The following KRT80 variants were observed in gnomAD, a reference collection of about 807,000 sequenced individuals.
KRT80 encodes the protein keratin 80.
KRT80 carries 36 observed loss-of-function variants against 51.5 expected under a neutral mutation model. That is an observed-to-expected ratio of 0.70 (90% CI 0.54 to 0.92). KRT80 has a LOEUF of 0.92. KRT80 is among the 40% of genes least tolerant of loss of function. The pLI is 0.00. For synonymous variants in KRT80, 235 were observed against 248.3 expected, an observed-to-expected ratio of 0.95 and a Z score of 0.50; for missense variants, 566 against 591.7, an observed-to-expected ratio of 0.96 and a Z score of 0.45.
chr12:52,173,821 AG>A, intron 4 of KRT80, 57 bp from the exon 5 acceptor site: 1 of 1,534,060 alleles, frequency 6.5e-7, no homozygotes, highest in Non-Finnish European at 8.9e-7. Context: ...AAGGACCCTC[AG>A]CCCCACACAG....
In KRT80 at chr12:52,191,940, G is replaced by A. The variant is rs1038194605; in HGVS notation, c.-38C>T. ...CGGAAGCAGGAGGGCCCAGGGGGGT[G>A]AGCGAGTGAGCCTGGGGTTGCGTCG... On this transcript the variant is annotated 5_prime_UTR_variant, in exon 1 of 9. Transcript: ENST00000394815. The A allele has an allele frequency of 1.4e-5, 20 of 1,433,606 alleles. No homozygotes were observed. Among genetic ancestry groups the A allele is most frequent in the Middle Eastern group, 5.1e-4 (2 of 3,912 alleles). The allele number at this position is 1,433,606 out of a possible 1,614,324, so 88.8% of individuals were successfully genotyped here.
At chr12:52,174,522 C>G (rs1941186302) in intron 4 of KRT80, among the ~76,000 whole-genome samples, 1 of 152,266 alleles carries the variant, frequency 6.6e-6, no homozygotes, top group Non-Finnish European at 1.5e-5. Context: ...TCCCTGGAGA[C>G]TTCTGGAAAT....
At chr12:52,178,108 G>A (rs1941262195) in intron 4 of KRT80, among the ~76,000 whole-genome samples, 1 of 152,172 alleles carries the variant, frequency 6.6e-6, no homozygotes, top group Non-Finnish European at 1.5e-5. Flanking sequence ...AGCAGTGTAT[G>A]GAGAGAAAGG....
At chr12:52,183,403 G>A (rs1273493723) in intron 2 of KRT80, among the ~76,000 whole-genome samples, 1 of 152,232 alleles carries the variant, frequency 6.6e-6, no homozygotes, top group Admixed American at 6.5e-5. Context: ...GCTCCGTAGA[G>A]ACAGGGCACA....
At position 52,181,311 on chromosome 12, in the gene KRT80, C is replaced by T. The variant is rs1941317440; in HGVS notation, c.510-348G>A. ...ACTTTATCCCCTCATCTTTACCTGA[C>T]CTCCTTCCCTGGCAATCTCAGGTTC... On this transcript the variant is annotated intron_variant, in intron 2 of 8. Transcript: ENST00000394815. Among the ~76,000 whole-genome samples, 3 of 152,262 alleles carry T rather than the reference C, an allele frequency of 2.0e-5. 1 individual carries two copies. In the South Asian group the frequency reaches 6.2e-4, roughly 32 times the overall value.
rs974935392 is a variant in KRT80 at position 52,177,779 on chromosome 12, G to C, written c.666+2734C>G. Reference sequence around the variant, plus strand: ...GGTGTCTGCTCCAAAGCTGAAACTAGAGTATCAGGGCCTCCTGGGCCACTC... The same window carrying C: ...GGTGTCTGCTCCAAAGCTGAAACTACAGTATCAGGGCCTCCTGGGCCACTC... On this transcript the variant is annotated intron_variant, in intron 4 of 8. Transcript: ENST00000394815. 2.6e-5 allele frequency among the ~76,000 whole-genome samples: 4 copies of C among 152,064 alleles called. No individual in the cohort carries two copies. The South Asian group carries it at 6.2e-4, about 24-fold the overall frequency.
chr12:52,184,241 A>T (rs1415715315), intron 2 of KRT80, among the ~76,000 whole-genome samples: 1 of 152,126 alleles, frequency 6.6e-6, no homozygotes, highest in East Asian at 1.9e-4. Context: ...CCAAGGGTTC[A>T]GCCTGCCCTG....
At chr12:52,187,356 A>G (rs1303750715) in intron 1 of KRT80, among the ~76,000 whole-genome samples, 1 of 152,184 alleles carries the variant, frequency 6.6e-6, no homozygotes, top group East Asian at 1.9e-4. Context: ...AGAGGAGGCA[A>G]TGGAGGCCAG....
intron 1 of KRT80, 38 bp downstream of exon 1, chr12:52,191,565 G>A: frequency 6.6e-7 from 1 of 1,526,560 alleles, no homozygotes; most frequent in African/African-American, 1.4e-5. Context: ...CCCAGGCCTG[G>A]CAGCCCTTCA....
chr12:52,171,728 C>CG lies in KRT80; in HGVS notation c.1179-16dup, dbSNP rs746793544. Reference sequence around the variant, plus strand: ...GCGAGTCCATCCTGGGGGTGGGGGACGGGGGGGTGGGAGAGGGATATGATG... The same window carrying CG: ...GCGAGTCCATCCTGGGGGTGGGGGACGGGGGGGGTGGGAGAGGGATATGATG... On this transcript the variant is annotated splice_polypyrimidine_tract_variant and intron_variant, in intron 7 of 8. Transcript: ENST00000394815. 5.9e-4 allele frequency: 65 copies of CG among 109,260 alleles called. No homozygotes were observed. Among genetic ancestry groups the CG allele is most frequent in the East Asian group, 5.6e-3 (16 of 2,856 alleles). The allele number at this position is 109,260 out of a possible 1,614,324, so 6.8% of individuals were successfully genotyped here.
At position 52,191,906 on chromosome 12, in the gene KRT80, G is replaced by C; in HGVS notation, c.-4C>G. On this transcript the variant is annotated 5_prime_UTR_variant, in exon 1 of 9. Coordinates refer to ENST00000394815, the MANE Select transcript of KRT80 (RefSeq NM_182507.3). The stretch of plus-strand genomic sequence containing the variant: ...CCACGCAGGAGCGGCAGGCCATGGT[G>C]CCCCCGGCCGGAAGCAGGAGGGCCC... The C allele has an allele frequency of 6.8e-7, 1 of 1,460,962 alleles. No homozygotes were observed. Among genetic ancestry groups the C allele is most frequent in the Non-Finnish European group, 9.1e-7 (1 of 1,104,656 alleles). 90.5% of individuals were successfully genotyped at this position (1,460,962 alleles called of 1,614,324 possible).
At chr12:52,180,757 G>A (rs934666879) in intron 3 of KRT80, 146 bp downstream of exon 3, 6 of 1,586,146 alleles carry the variant, frequency 3.8e-6, no homozygotes, top group African/African-American at 1.3e-5. Context: ...GGATGGGGAT[G>A]GGGGTATCTC....
At chr12:52,185,973 C>T (rs557425003) in intron 1 of KRT80, among the ~76,000 whole-genome samples, 6 of 152,066 alleles carry the variant, frequency 3.9e-5, no homozygotes, top group Non-Finnish European at 7.4e-5. Context: ...CTTGCCACCA[C>T]GACAAGTGTG....
intron 5 of KRT80, 79 bp downstream of exon 5, chr12:52,173,521 A>G: frequency 6.9e-7 from 1 of 1,459,704 alleles, no homozygotes; most frequent in South Asian, 1.2e-5. Flanking sequence ...AGGCAACCTC[A>G]GCCATCACCA....
chr12:52,188,955 G>A (rs59613954), intron 1 of KRT80, among the ~76,000 whole-genome samples: 3,957 of 152,222 alleles, frequency 0.026, 187 homozygotes, highest in African/African-American at 0.085. Flanking sequence ...CTTCCACTGG[G>A]ACGAGCTCAG....
chr12:52,180,638 G>A, intron 3 of KRT80, 30 bp from the exon 4 acceptor site: 2 of 1,535,672 alleles, frequency 1.3e-6, no homozygotes, highest in Non-Finnish European at 1.8e-6. Context: ...TGAGTGGTGG[G>A]AGAGGGAATG....
At position 52,181,142 on chromosome 12, in the gene KRT80, C is replaced by A. The variant is rs895733082; in HGVS notation, c.510-179G>T. Reference sequence around the variant, plus strand: ...TATGACACATCCTCTCTCTCTCCCCCCGACCTCCTGGCATTGGCTCCCCGT... The same window carrying A: ...TATGACACATCCTCTCTCTCTCCCCACGACCTCCTGGCATTGGCTCCCCGT... On this transcript the variant is annotated intron_variant, in intron 2 of 8. Coordinates refer to ENST00000394815, the MANE Select transcript of KRT80 (RefSeq NM_182507.3). 8.5e-5 allele frequency among the ~76,000 whole-genome samples: 13 copies of A among 152,248 alleles called. No individual in the cohort carries two copies. In the South Asian group the frequency reaches 1.4e-3, roughly 17 times the overall value.
chr12:52,185,319 G>T, intron 2 of KRT80, 60 bp downstream of exon 2: 1 of 1,511,046 alleles, frequency 6.6e-7, no homozygotes. Context: ...CCTCCCATCT[G>T]AGCACAGCTT....
chr12:52,171,363 G>A lies in KRT80; in HGVS notation c.*35C>T. ...TCTAGCTTAAGTCCCTCCTGCTGCA[G>A]TGGAGTGCCCTGGGGTTCCTGGGGT... is the stretch of plus-strand genomic sequence containing the variant. On this transcript the variant is annotated 3_prime_UTR_variant, in exon 9 of 9. Coordinates refer to ENST00000394815, the MANE Select transcript of KRT80 (RefSeq NM_182507.3). 1 of 1,540,700 alleles carries A rather than the reference G, an allele frequency of 6.5e-7. No individual in the cohort carries two copies. The highest frequency in any genetic ancestry group is 8.7e-7 in the Non-Finnish European group (1 of 1,144,750).
Sources: allele counts gnomAD v4.1 joint callset (sites outside exome capture counted in the v4.1 genomes callset), GRCh38; gene constraint gnomAD v4.1.1; transcripts MANE v1.5; gene names NCBI Gene and HGNC (gene_info 2026-07-23, HGNC 2026-07-21).